The following RGL1 variants were observed in gnomAD, a reference collection of about 807,000 sequenced individuals.
The protein encoded by RGL1 is ral guanine nucleotide dissociation stimulator like 1.
In RGL1, 24 loss-of-function variants were observed where a neutral mutation model predicts 95.2. The observed-to-expected ratio is 0.25, with a 90% confidence interval of 0.18 to 0.35. The LOEUF (loss-of-function observed/expected upper bound fraction) is 0.35, where lower values mean the gene tolerates loss of function less well. RGL1 is among the 10% of genes least tolerant of loss of function. The probability of loss-of-function intolerance (pLI) is 1.00; values close to 1 mark genes in which losing one functional copy is unlikely to be tolerated. For missense variants in RGL1, 715 were observed against 936.3 expected (o/e 0.76, Z 3.08); for synonymous variants, 329 against 344.9 (o/e 0.95, Z 0.51).
intron 2 of RGL1, among the ~76,000 whole-genome samples, chr1:183,815,955 G>C (rs1347754319): frequency 6.6e-6 from 1 of 152,106 alleles, no homozygotes; most frequent in Non-Finnish European, 1.5e-5. Context: ...TGTAACCCCA[G>C]GTTGCTTAAG....
At chr1:183,789,641 T>TG (rs1660349566) in intron 2 of RGL1, among the ~76,000 whole-genome samples, 1 of 152,100 alleles carries the variant, frequency 6.6e-6, no homozygotes, top group Non-Finnish European at 1.5e-5. Flanking sequence ...AGCAAGGCTT[T>TG]GGCTAAATGG....
chr1:183,769,562 A>G (rs1659171167), intron 2 of RGL1, among the ~76,000 whole-genome samples: 1 of 152,270 alleles, frequency 6.6e-6, no homozygotes, highest in Admixed American at 6.5e-5. Flanking sequence ...AACATATAAC[A>G]TAATAAATGT....
At chr1:183,913,272 T>C (rs551082319) in intron 15 of RGL1, among the ~76,000 whole-genome samples, 1 of 132,582 alleles carries the variant, frequency 7.5e-6, no homozygotes, top group Non-Finnish European at 1.6e-5. Flanking sequence ...CTTGGCTCAC[T>C]ACAACCTCTG....
At position 183,805,130 on chromosome 1, in the gene RGL1, T is replaced by A; in HGVS notation, c.-168T>A. ...CGCCGCGCTCCCTTTGTGGCCCGAGTCGCGCGCACCGGCGGCGGCGGGGGC... is the reference window on the plus strand; with the variant it reads ...CGCCGCGCTCCCTTTGTGGCCCGAGACGCGCGCACCGGCGGCGGCGGGGGC... On this transcript the variant is annotated 5_prime_UTR_variant, in exon 1 of 18. Coordinates refer to ENST00000360851, the MANE Select transcript of RGL1 (RefSeq NM_001297671.3). The A allele has an allele frequency of 1.2e-6, 1 of 840,878 alleles. No individual in the cohort carries two copies. Among genetic ancestry groups the A allele is most frequent in the African/African-American group, 1.8e-5 (1 of 55,294 alleles). The allele number at this position is 840,878 out of a possible 1,614,324, so 52.1% of individuals were successfully genotyped here.
chr1:183,701,090 CTT>C (rs1041208853), intron 1 of RGL1, among the ~76,000 whole-genome samples: 2 of 152,048 alleles, frequency 1.3e-5, no homozygotes, highest in African/African-American at 4.8e-5. Context: ...TGAATTCATT[CTT>C]TTTTATGGCT....
chr1:183,659,999 G>T (rs973339071), intron 1 of RGL1, among the ~76,000 whole-genome samples: 12 of 151,862 alleles, frequency 7.9e-5, no homozygotes, highest in African/African-American at 1.9e-4. Context: ...TTACAGACAA[G>T]CAAATGCTGA....
intron 2 of RGL1, among the ~76,000 whole-genome samples, chr1:183,753,026 C>T (rs1658120992): frequency 1.3e-5 from 2 of 152,108 alleles, no homozygotes; most frequent in Non-Finnish European, 2.9e-5. Context: ...GAATTGATGT[C>T]TTTCATCCGT....
chr1:183,806,462 A>C lies in RGL1; in HGVS notation c.115A>C (p.Asn39His), dbSNP rs972706523. 5 of 1,613,910 alleles carry C rather than the reference A, an allele frequency of 3.1e-6. No individual in the cohort carries two copies. Among genetic ancestry groups the C allele is most frequent in the Non-Finnish European group, 4.2e-6 (5 of 1,179,842 alleles). Reference protein sequence around the residue: ...LKRVQIQQAANKGARWLGVEG... With the variant: ...LKRVQIQQAAHKGARWLGVEG... ...AAGAGTCCAGATTCAACAGGCTGCC[A>C]ATAAAGGAGCAAGATGGCTAGGGGT... Residue 39 changes from asparagine (N) to histidine (H), a missense_variant, in exon 2 of 18, where the codon AAT becomes CAT. By Grantham distance (68) the Asn-to-His change is moderately conservative. This residue lies in a region of RGL1 where 381 missense variants were observed against 484.8 expected (regional missense o/e 0.79). Coordinates refer to ENST00000360851, the MANE Select transcript of RGL1 (RefSeq NM_001297671.3).
chr1:183,779,192 C>CT, intron 2 of RGL1, among the ~76,000 whole-genome samples: 1 of 146,392 alleles, frequency 6.8e-6, no homozygotes, highest in South Asian at 2.3e-4. Flanking sequence ...TCCTTCCTTC[C>CT]TTCCTTCCTT....
intron 1 of RGL1, among the ~76,000 whole-genome samples, chr1:183,722,026 A>G (rs1656038274): frequency 6.6e-6 from 1 of 152,202 alleles, no homozygotes; most frequent in Non-Finnish European, 1.5e-5. Context: ...AGTCAAAGAG[A>G]AAATTTGGAG....
chr1:183,729,117 C>T (rs1275208101), intron 1 of RGL1, among the ~76,000 whole-genome samples: 2 of 151,822 alleles, frequency 1.3e-5, no homozygotes, highest in African/African-American at 2.4e-5. Flanking sequence ...TGGGCTACAT[C>T]AAAATTTAAA....
chr1:183,700,998 AT>A (rs1654563869), intron 1 of RGL1, among the ~76,000 whole-genome samples: 1 of 152,170 alleles, frequency 6.6e-6, no homozygotes, highest in African/African-American at 2.4e-5. Flanking sequence ...GAGTGAGAAC[AT>A]GTGGTGTTTC....
intron 2 of RGL1, among the ~76,000 whole-genome samples, chr1:183,829,795 C>T (rs1215034295): frequency 1.3e-5 from 2 of 152,154 alleles, no homozygotes; most frequent in African/African-American, 4.8e-5. Flanking sequence ...CTGTTCCCTC[C>T]CCTGAAACGT....
At chr1:183,877,191 G>A (rs1439871679) in intron 4 of RGL1, among the ~76,000 whole-genome samples, 2 of 152,174 alleles carry the variant, frequency 1.3e-5, no homozygotes, top group African/African-American at 4.8e-5. Context: ...ACAGAACCAA[G>A]TGGCTTCTGT....
At chr1:183,891,891 T>C (rs1667446526) in intron 8 of RGL1, among the ~76,000 whole-genome samples, 186 bp from the exon 9 acceptor site, 2 of 151,938 alleles carry the variant, frequency 1.3e-5, no homozygotes, top group African/African-American at 4.8e-5. Context: ...CAAGTCCACC[T>C]TAAAAGAAAT....
chr1:183,855,688 C>A (rs1665093977), intron 3 of RGL1, among the ~76,000 whole-genome samples: 1 of 152,144 alleles, frequency 6.6e-6, no homozygotes, highest in Non-Finnish European at 1.5e-5. Context: ...ACTTATGGTC[C>A]CAGTGTCGCC....
chr1:183,691,004 T>C (rs1653915203), intron 1 of RGL1, among the ~76,000 whole-genome samples: 1 of 152,180 alleles, frequency 6.6e-6, no homozygotes, highest in Admixed American at 6.5e-5. Context: ...ACTGAGATTT[T>C]TGGATTTGTA....
chr1:183,662,451 C>G (rs1046335144), intron 1 of RGL1, among the ~76,000 whole-genome samples: 2 of 152,000 alleles, frequency 1.3e-5, no homozygotes, highest in East Asian at 1.9e-4. Flanking sequence ...TGAGTGAACT[C>G]CCATTCACAA....
intron 15 of RGL1, among the ~76,000 whole-genome samples, chr1:183,914,823 A>T (rs1157976848): frequency 6.6e-6 from 1 of 152,204 alleles, no homozygotes; most frequent in African/African-American, 2.4e-5. Flanking sequence ...AAAATCTAAC[A>T]AAGGAAATAG....
Sources: gnomAD v4.1 joint callset for allele counts (sites outside exome capture counted in the v4.1 genomes callset) on GRCh38, gnomAD v4.1.1 for gene constraint, gnomAD v4.1.1 regional missense constraint, MANE v1.5 for transcripts, NCBI Gene and HGNC (gene_info 2026-07-23, HGNC 2026-07-21) for gene names.